PRMT3: variants seen among roughly 807,000 people sequenced by gnomAD.
The protein encoded by PRMT3 is protein arginine N-methyltransferase 3.
Under a neutral mutation model 71.9 loss-of-function variants are expected in PRMT3, and 62 were observed. The observed-to-expected ratio is 0.86, with a 90% CI of 0.70 to 1.07. The LOEUF (loss-of-function observed/expected upper bound fraction) is 1.07, where lower values mean the gene tolerates loss of function less well. Among genes scored for constraint, PRMT3 ranks in the 50% least tolerant of loss-of-function variants. The probability of loss-of-function intolerance (pLI) is 0.00; values close to 1 mark genes in which losing one functional copy is unlikely to be tolerated. For synonymous variants in PRMT3, 213 were observed against 220.4 expected, an observed-to-expected ratio of 0.97 and a Z score of 0.30; for missense variants, 663 against 643.0, an observed-to-expected ratio of 1.03 and a Z score of -0.34.
chr11:20,493,881 A>T, intron 13 of PRMT3, 38 bp from the exon 14 acceptor site: 1 of 1,371,804 alleles, frequency 7.3e-7, no homozygotes, highest in Non-Finnish European at 1.0e-6. Context: ...TATGTAATTC[A>T]TTTAGTAAGC....
intron 10 of PRMT3, among the ~76,000 whole-genome samples, chr11:20,438,006 C>CA (rs1849800545): frequency 6.6e-6 from 1 of 152,180 alleles, no homozygotes; most frequent in African/African-American, 2.4e-5. Context: ...ACATGGTCTA[C>CA]AAGCAGCAGC....
intron 9 of PRMT3, among the ~76,000 whole-genome samples, chr11:20,422,287 T>G (rs986625845): frequency 3.3e-5 from 5 of 152,124 alleles, no homozygotes; most frequent in African/African-American, 1.2e-4. Context: ...TAAAACAGTT[T>G]CTTTTTTTTT....
At position 20,498,387 on chromosome 11, in the gene PRMT3, A is replaced by G. The variant is rs572627355; in HGVS notation, c.1486+4133A>G. Among the ~76,000 whole-genome samples, 6 of 152,340 alleles carry G rather than the reference A, an allele frequency of 3.9e-5. No individual in the cohort carries two copies. In the East Asian group the frequency reaches 1.2e-3, roughly 29 times the overall value. ...TTAAAATTTTAACATAAGCCAGAGT[A>G]AAATGAAACATCATGTAGAGAAGAA... On this transcript the variant is annotated intron_variant, in intron 15 of 15. Transcript: ENST00000331079.
chr11:20,503,900 G>T (rs1296468843), intron 15 of PRMT3, among the ~76,000 whole-genome samples: 1 of 152,092 alleles, frequency 6.6e-6, no homozygotes, highest in East Asian at 1.9e-4. Flanking sequence ...ATAAGAAACT[G>T]GCAAATTTTT....
rs150534348 is a variant in PRMT3, at chr11:20,491,033, A to G, written c.1348-2886A>G. 7.2e-5 allele frequency among the ~76,000 whole-genome samples: 11 copies of G among 152,266 alleles called. No individual in the cohort carries two copies. In the East Asian group the frequency reaches 2.1e-3, roughly 29 times the overall value. On this transcript the variant is annotated intron_variant, in intron 13 of 15. Coordinates refer to ENST00000331079, the MANE Select transcript of PRMT3 (RefSeq NM_005788.4). Reference sequence around the variant, plus strand: ...GATCTATAGGTCTCCAAGGTTCTATAACATGCATTTTAATTGCTGTCTTTT... The same window carrying G: ...GATCTATAGGTCTCCAAGGTTCTATGACATGCATTTTAATTGCTGTCTTTT...
intron 11 of PRMT3, among the ~76,000 whole-genome samples, chr11:20,456,243 A>C (rs897861685): frequency 1.2e-4 from 19 of 152,230 alleles, no homozygotes; most frequent in African/African-American, 4.3e-4. Context: ...ACAAAGAAGG[A>C]AATACAGATG....
chr11:20,438,788 A>T (rs572288232), intron 10 of PRMT3, among the ~76,000 whole-genome samples: 1 of 152,184 alleles, frequency 6.6e-6, no homozygotes, highest in African/African-American at 2.4e-5. Context: ...CAGCCAAGGC[A>T]CCATTTCCTG....
At position 20,395,855 on chromosome 11, in the gene PRMT3, A is replaced by G; in HGVS notation, c.453A>G (p.Gly151=). The G allele has an allele frequency of 6.2e-7, 1 of 1,614,062 alleles. No homozygotes were observed. The highest frequency in any genetic ancestry group is 8.5e-7 in the Non-Finnish European group (1 of 1,179,974). ...PVSVPFSYPN[G]LSENTSVVEK... ...CAGTACCCTTCTCATACCCCAATGG[A>G]CTCAGTGAAAATACATCTGTTGTTG... The change falls in exon 6 of 16, where the codon GGA becomes GGG. Residue 151 remains glycine, a synonymous_variant. Coordinates refer to ENST00000331079, the MANE Select transcript of PRMT3 (RefSeq NM_005788.4).
chr11:20,473,951 G>A (rs952603365), intron 13 of PRMT3, among the ~76,000 whole-genome samples: 2 of 152,008 alleles, frequency 1.3e-5, no homozygotes, highest in African/African-American at 4.8e-5. Flanking sequence ...TTTAACAGTA[G>A]GTCCATTCCA....
intron 9 of PRMT3, among the ~76,000 whole-genome samples, chr11:20,425,865 G>C (rs1849534400): frequency 6.6e-6 from 1 of 152,170 alleles, no homozygotes; most frequent in African/African-American, 2.4e-5. Context: ...ACCCTAAAAT[G>C]AATGCACTGA....
chr11:20,470,242 T>C (rs1275913607), intron 13 of PRMT3, among the ~76,000 whole-genome samples: 2 of 152,166 alleles, frequency 1.3e-5, no homozygotes, highest in Non-Finnish European at 2.9e-5. Context: ...ATTACAATTT[T>C]TTCTTCACCT....
At chr11:20,454,691 T>C (rs922017038) in intron 11 of PRMT3, among the ~76,000 whole-genome samples, 2 of 152,166 alleles carry the variant, frequency 1.3e-5, no homozygotes, top group African/African-American at 2.4e-5. Flanking sequence ...AAAGTTTTCC[T>C]TTCTGTTTTT....
At chr11:20,401,581 G>T (rs1031964259) in intron 7 of PRMT3, among the ~76,000 whole-genome samples, 1 of 151,750 alleles carries the variant, frequency 6.6e-6, no homozygotes, top group Non-Finnish European at 1.5e-5. Flanking sequence ...TGTATTGGGG[G>T]TATGAGTTGT....
Position 20,481,230 on chromosome 11 carries a change from T to C in PRMT3, c.1348-12689T>C, listed in dbSNP as rs544425802. Among the ~76,000 whole-genome samples, 15 of 149,070 alleles carry C rather than the reference T, an allele frequency of 1.0e-4. No individual in the cohort carries two copies. In the East Asian group the frequency reaches 2.2e-3, roughly 21 times the overall value. ...AGTGGAGTAGCATCATATGCAGATA[T>C]AATTTACGCAAATTAACTGCAAGCA... On this transcript the variant is annotated intron_variant, in intron 13 of 15. Transcript: ENST00000331079.
chr11:20,430,554 C>T (rs535927919), intron 10 of PRMT3, among the ~76,000 whole-genome samples: 1 of 152,128 alleles, frequency 6.6e-6, no homozygotes, highest in East Asian at 1.9e-4. Context: ...TCTAGGCTTG[C>T]CTTTAATTTT....
chr11:20,493,140 A>G (rs1397815737), intron 13 of PRMT3, among the ~76,000 whole-genome samples: 1 of 151,914 alleles, frequency 6.6e-6, no homozygotes, highest in Non-Finnish European at 1.5e-5. Flanking sequence ...TCAAAAAAAA[A>G]AAAATCTTTT....
intron 15 of PRMT3, among the ~76,000 whole-genome samples, chr11:20,497,240 C>T (rs939056680): frequency 2.6e-5 from 4 of 152,120 alleles, no homozygotes; most frequent in African/African-American, 9.7e-5. Context: ...ATTCTTTACC[C>T]AGTAATCCTT....
chr11:20,477,077 G>A (rs1042575926), intron 13 of PRMT3, among the ~76,000 whole-genome samples: 1 of 152,180 alleles, frequency 6.6e-6, no homozygotes, highest in Non-Finnish European at 1.5e-5. Flanking sequence ...TTCTTGGGAA[G>A]ACCATCAAAA....
At chr11:20,496,632 G>A in intron 15 of PRMT3, among the ~76,000 whole-genome samples, 1 of 103,256 alleles carries the variant, frequency 9.7e-6, no homozygotes, top group African/African-American at 3.8e-5. Context: ...GTGGGGGGTG[G>A]GGGTCAATGT....
Sources: gnomAD v4.1 joint callset for allele counts (sites outside exome capture counted in the v4.1 genomes callset) on GRCh38, gnomAD v4.1.1 for gene constraint, MANE v1.5 for transcripts, NCBI Gene and HGNC (gene_info 2026-07-23, HGNC 2026-07-21) for gene names.